Variants in RGS7BP observed in about 807,000 individuals in gnomAD.
The protein encoded by RGS7BP is regulator of G protein signaling 7-binding protein.
In RGS7BP, 9 loss-of-function variants were observed where a neutral mutation model predicts 31.3. The ratio of observed to expected loss-of-function variants is 0.29; its 90% confidence interval spans 0.17 to 0.50. The LOEUF (loss-of-function observed/expected upper bound fraction) is 0.50. RGS7BP is among the 20% of genes least tolerant of loss of function. The pLI, the probability that RGS7BP is intolerant of heterozygous loss-of-function variation, is 0.98. For synonymous variants in RGS7BP, 115 were observed against 120.1 expected (o/e 0.96, Z 0.28); for missense variants, 274 against 322.0 (o/e 0.85, Z 1.14).
At chr5:64,584,659 C>G (rs1742694924) in intron 3 of RGS7BP, among the ~76,000 whole-genome samples, 1 of 152,188 alleles carries the variant, frequency 6.6e-6, no homozygotes, top group South Asian at 2.1e-4. Flanking sequence ...GGCTGCTACT[C>G]TGGGGGCTGT....
rs201155916 is a variant in RGS7BP at position 64,507,765 on chromosome 5, A to G, written c.220A>G (p.Ile74Val). 21 of 1,613,624 alleles carry G rather than the reference A, an allele frequency of 1.3e-5. No individual in the cohort carries two copies. Among genetic ancestry groups the G allele is most frequent in the South Asian group, 7.7e-5 (7 of 91,058 alleles). ...VALYRELVISIGDVSVSCPSL... is the reference protein window; with the variant it reads ...VALYRELVISVGDVSVSCPSL... ...CCTGTACCGAGAGCTGGTCATTTCTATTGGGGATGTCTCGGTCAGCTGCCC... is the reference window on the plus strand; with the variant it reads ...CCTGTACCGAGAGCTGGTCATTTCTGTTGGGGATGTCTCGGTCAGCTGCCC... Residue 74 changes from isoleucine (I) to valine (V), a missense_variant, in exon 2 of 6, where the codon ATT (isoleucine) becomes GTT (valine). Coordinates refer to ENST00000334025, the MANE Select transcript of RGS7BP (RefSeq NM_001029875.3).
At chr5:64,512,975 A>T (rs778809992) in intron 2 of RGS7BP, among the ~76,000 whole-genome samples, 2 of 152,206 alleles carry the variant, frequency 1.3e-5, no homozygotes, top group Non-Finnish European at 2.9e-5. Flanking sequence ...AGTCTGTTAA[A>T]TTCTCTGCAC....
At chr5:64,528,640 C>T (rs937383996) in intron 2 of RGS7BP, among the ~76,000 whole-genome samples, 7 of 151,524 alleles carry the variant, frequency 4.6e-5, no homozygotes, top group Non-Finnish European at 8.8e-5. Context: ...GGTGAAACCC[C>T]GTCTTTACTA....
intron 2 of RGS7BP, among the ~76,000 whole-genome samples, chr5:64,531,521 C>G (rs1345887900): frequency 6.6e-6 from 1 of 152,082 alleles, no homozygotes; most frequent in Admixed American, 6.6e-5. Context: ...AGCTGCAGTC[C>G]GTGAAGAAGT....
rs1294352022 is a variant in RGS7BP at position 64,610,978 on chromosome 5, G to A, written c.*1726G>A. ...GTGTTCCAAGGAACCAGTAATTAAT[G>A]CATGGTTATAGGTATACCTGGCTTC... On this transcript the variant is annotated 3_prime_UTR_variant, in exon 6 of 6. Transcript: ENST00000334025. 6.6e-6 allele frequency: 1 copy of A among 151,844 alleles called. No individual in the cohort carries two copies. Among genetic ancestry groups the A allele is most frequent in the Non-Finnish European group, 1.5e-5 (1 of 67,890 alleles). 9.4% of individuals were successfully genotyped at this position (151,844 alleles called of 1,614,324 possible).
rs565696892 is a variant in RGS7BP, at chr5:64,585,933, C to T, written c.464-8777C>T. ...GGTTCTCTTCCTCCCCTACCCCATC[C>T]CCTCCTGAGCAAATATTTGTTCACC... is the stretch of plus-strand genomic sequence containing the variant. On this transcript the variant is annotated intron_variant, in intron 3 of 5. Transcript: ENST00000334025. 2.3e-3 allele frequency among the ~76,000 whole-genome samples: 356 copies of T among 152,174 alleles called. 2 individuals carry two copies. Among genetic ancestry groups the T allele is most frequent in the African/African-American group, 8.3e-3 (346 of 41,526 alleles).
intron 2 of RGS7BP, among the ~76,000 whole-genome samples, chr5:64,557,936 A>C (rs1741966508): frequency 6.6e-6 from 1 of 152,158 alleles, no homozygotes; most frequent in South Asian, 2.1e-4. Context: ...AAAACTTTTT[A>C]AACAAGACAC....
At chr5:64,571,077 T>C (rs962845878) in intron 2 of RGS7BP, among the ~76,000 whole-genome samples, 1 of 152,098 alleles carries the variant, frequency 6.6e-6, no homozygotes, top group African/African-American at 2.4e-5. Context: ...CCCCAGAAAG[T>C]TCACTTATGC....
Position 64,608,423 on chromosome 5 carries a change from A to T in RGS7BP, c.683-738A>T, listed in dbSNP as rs550868666. Among the ~76,000 whole-genome samples the T allele has an allele frequency of 1.1e-4, 16 of 152,158 alleles. No individual in the cohort carries two copies. The East Asian group carries it at 1.2e-3, about 11-fold the overall frequency. On this transcript the variant is annotated intron_variant, in intron 5 of 5. Transcript: ENST00000334025. Reference sequence around the variant, plus strand: ...ATTCAACAGCTGGCAGTCTTCTATGAATGCCCTTGTGTACAGAAATCTATA... The same window carrying T: ...ATTCAACAGCTGGCAGTCTTCTATGTATGCCCTTGTGTACAGAAATCTATA...
At chr5:64,507,003 G>A (rs1195733141) in intron 1 of RGS7BP, among the ~76,000 whole-genome samples, 3 of 152,154 alleles carry the variant, frequency 2.0e-5, no homozygotes, top group Admixed American at 6.5e-5. Flanking sequence ...AAGTGTGACA[G>A]CAAGGGTCTT....
chr5:64,555,712 A>G (rs536365501), intron 2 of RGS7BP, among the ~76,000 whole-genome samples: 2 of 152,310 alleles, frequency 1.3e-5, no homozygotes, highest in South Asian at 4.1e-4. Context: ...CTGTGTTAAT[A>G]GTTGAAAAAG....
intron 2 of RGS7BP, among the ~76,000 whole-genome samples, chr5:64,511,649 T>C (rs1270813802): frequency 6.6e-6 from 1 of 152,192 alleles, no homozygotes; most frequent in Non-Finnish European, 1.5e-5. Context: ...AGACACTTCA[T>C]AGAATCCCTA....
intron 2 of RGS7BP, among the ~76,000 whole-genome samples, chr5:64,541,254 C>A (rs1176826718): frequency 1.3e-5 from 2 of 152,234 alleles, no homozygotes; most frequent in African/African-American, 2.4e-5. Context: ...ACAACCAGAT[C>A]TCATGGGAAC....
Position 64,555,797 on chromosome 5 carries a change from C to T in RGS7BP, c.333-19977C>T, listed in dbSNP as rs1019280323. Among the ~76,000 whole-genome samples the T allele has an allele frequency of 2.6e-5, 4 of 152,190 alleles. No homozygotes were observed. In the East Asian group the frequency reaches 7.7e-4, roughly 29 times the overall value. On this transcript the variant is annotated intron_variant, in intron 2 of 5. Coordinates refer to ENST00000334025, the MANE Select transcript of RGS7BP (RefSeq NM_001029875.3). ...TGTCAAAATTTAAAAACATTCAGTT[C>T]TGGTAATTCTGTGGTAAAATTGGTA... is the stretch of plus-strand genomic sequence containing the variant.
chr5:64,542,789 T>C (rs1281272930), intron 2 of RGS7BP, among the ~76,000 whole-genome samples: 1 of 152,218 alleles, frequency 6.6e-6, no homozygotes, highest in African/African-American at 2.4e-5. Context: ...CAGCATTTTA[T>C]AGCACAGCAT....
rs1196825040 is a variant in RGS7BP at position 64,514,281 on chromosome 5, G to T, written c.332+6404G>T. On this transcript the variant is annotated intron_variant, in intron 2 of 5. Transcript: ENST00000334025. ...CAATGACCCTTTTTCCAAAAACAAA[G>T]GTCACATTCTGAGGTACTGGGTGGT... 2.0e-5 allele frequency among the ~76,000 whole-genome samples: 3 copies of T among 152,238 alleles called. No homozygotes were observed. In the South Asian group the frequency reaches 6.2e-4, roughly 32 times the overall value.
chr5:64,573,404 T>G (rs1742345591), intron 2 of RGS7BP, among the ~76,000 whole-genome samples: 2 of 152,188 alleles, frequency 1.3e-5, no homozygotes, highest in African/African-American at 4.8e-5. Flanking sequence ...TGCGTATTTT[T>G]GGAGCTAAGC....
intron 2 of RGS7BP, among the ~76,000 whole-genome samples, chr5:64,523,910 A>C (rs966264536): frequency 6.6e-6 from 1 of 152,238 alleles, no homozygotes; most frequent in Non-Finnish European, 1.5e-5. Flanking sequence ...TGCATCAAAC[A>C]GGAACCATCA....
At chr5:64,523,328 A>C (rs1470648591) in intron 2 of RGS7BP, among the ~76,000 whole-genome samples, 1 of 140,168 alleles carries the variant, frequency 7.1e-6, no homozygotes. Context: ...ATATTGGCCA[A>C]ATGTGCCATT....
Sources: gnomAD v4.1 joint callset for allele counts (sites outside exome capture counted in the v4.1 genomes callset) on GRCh38, gnomAD v4.1.1 for gene constraint, MANE v1.5 for transcripts, NCBI Gene and HGNC (gene_info 2026-07-23, HGNC 2026-07-21) for gene names.